The following DLG5 variants were observed in gnomAD, a reference collection of about 807,000 sequenced individuals.
The protein encoded by DLG5 is discs large MAGUK scaffold protein 5.
DLG5 carries 48 observed loss-of-function variants against 189.8 expected under a neutral mutation model. The ratio of observed to expected loss-of-function variants is 0.25; its 90% CI spans 0.20 to 0.32. The LOEUF (loss-of-function observed/expected upper bound fraction) is 0.32, where lower values mean the gene tolerates loss of function less well. DLG5 is among the 10% of genes least tolerant of loss of function. The pLI, the probability that DLG5 is intolerant of heterozygous loss-of-function variation, is 1.00. For synonymous variants in DLG5, 1,016 were observed against 1,054.1 expected (o/e 0.96, Z 0.70); for missense variants, 2,160 against 2,544.7 (o/e 0.85, Z 3.25).
intron 2 of DLG5, among the ~76,000 whole-genome samples, chr10:77,866,550 G>A (rs1228463180): frequency 6.6e-6 from 1 of 152,184 alleles, no homozygotes; most frequent in Non-Finnish European, 1.5e-5. Flanking sequence ...CAGAGCACTT[G>A]AAATGTGGTG....
At chr10:77,832,354 C>T (rs1034652026) in intron 9 of DLG5, among the ~76,000 whole-genome samples, 1 of 152,238 alleles carries the variant, frequency 6.6e-6, no homozygotes, top group Non-Finnish European at 1.5e-5. Context: ...GGCTGCCTTG[C>T]CAGCTCATGA....
rs1030323340 is a variant in DLG5, at chr10:77,792,006, G to A, written c.*434C>T. The A allele has an allele frequency of 1.2e-5, 2 of 171,308 alleles. No homozygotes were observed. Among genetic ancestry groups the A allele is most frequent in the Non-Finnish European group, 2.5e-5 (2 of 80,116 alleles). The allele number at this position is 171,308 out of a possible 1,614,324, so 10.6% of individuals were successfully genotyped here. A position where few individuals can be genotyped will look rare whatever the true frequency, so the allele number is the denominator to read the frequency against. On this transcript the variant is annotated 3_prime_UTR_variant, in exon 32 of 32. Transcript: ENST00000372391. ...TCCAAGGTCGTTTTGCTGAAGACGG[G>A]AACGAAACCAACACCAAAGCGACAG...
intron 1 of DLG5, among the ~76,000 whole-genome samples, chr10:77,922,200 G>A (rs868736143): frequency 1.7e-4 from 26 of 152,208 alleles, no homozygotes; most frequent in Admixed American, 7.2e-4. Context: ...CAATGCTCCC[G>A]GTGACAGAGG....
chr10:77,880,210 T>C (rs1330217660), intron 1 of DLG5, among the ~76,000 whole-genome samples: 1 of 152,000 alleles, frequency 6.6e-6, no homozygotes, highest in Non-Finnish European at 1.5e-5. Context: ...TCCTAGCACT[T>C]TGGGAGGCCA....
intron 7 of DLG5, among the ~76,000 whole-genome samples, chr10:77,840,893 TCACCTGCCTCA>T (rs2154576271): frequency 6.6e-6 from 1 of 152,250 alleles, no homozygotes; most frequent in African/African-American, 2.4e-5. Context: ...CCCCTGGGCA[TCACCTGCCTCA>T]CACTTGGTAC....
At chr10:77,880,585 C>G (rs1845248206) in intron 1 of DLG5, among the ~76,000 whole-genome samples, 1 of 152,124 alleles carries the variant, frequency 6.6e-6, no homozygotes, top group Non-Finnish European at 1.5e-5. Context: ...CCTCCCGACT[C>G]CTGATCAAGC....
chr10:77,893,010 C>T (rs1845655218), intron 1 of DLG5, among the ~76,000 whole-genome samples: 1 of 152,210 alleles, frequency 6.6e-6, no homozygotes, highest in South Asian at 2.1e-4. Context: ...GACAGGGCAC[C>T]CCCAGGTTGG....
chr10:77,891,698 A>G (rs1340341758), intron 1 of DLG5, among the ~76,000 whole-genome samples: 1 of 152,098 alleles, frequency 6.6e-6, no homozygotes, highest in Non-Finnish European at 1.5e-5. Flanking sequence ...CCCACAGGAC[A>G]TCACAAAAAA....
chr10:77,926,950 T>A, upstream of DLG5: 1 of 377,350 alleles, frequency 2.7e-6, no homozygotes, highest in Middle Eastern at 4.1e-4. The surrounding 1 kb of genome is among the most constrained non-coding windows in gnomAD (Gnocchi z 5.2). Flanking sequence ...AGACTACAAC[T>A]CCCGGGAGAA....
chr10:77,792,814 A>G (rs1225138488), intron 31 of DLG5: 1 of 449,004 alleles, frequency 2.2e-6, no homozygotes, highest in Non-Finnish European at 4.0e-6. Flanking sequence ...ATCCCAGGGC[A>G]TCAGAAGGAA....
At chr10:77,887,859 G>A (rs1023699647) in intron 1 of DLG5, among the ~76,000 whole-genome samples, 9 of 152,220 alleles carry the variant, frequency 5.9e-5, no homozygotes, top group African/African-American at 1.9e-4. Context: ...AGAGCCACAC[G>A]CCTTTGTGTG....
intron 1 of DLG5, among the ~76,000 whole-genome samples, chr10:77,894,924 C>G (rs144823547): frequency 6.6e-6 from 1 of 152,186 alleles, no homozygotes; most frequent in Non-Finnish European, 1.5e-5. Flanking sequence ...TTGCCAAGAC[C>G]CCAGCACAGC....
At chr10:77,845,665 GGAGGGAGGGAGA>G (rs1187737259) in intron 5 of DLG5, among the ~76,000 whole-genome samples, 2 of 151,770 alleles carry the variant, frequency 1.3e-5, no homozygotes, top group Non-Finnish European at 2.9e-5. Context: ...GAAAGGGAAA[GGAGGGAGGGAGA>G]GAGGGAGGGA....
At chr10:77,939,043 G>T in the DLG5 span, among the ~76,000 whole-genome samples, 1 of 152,156 alleles carries the variant, frequency 6.6e-6, no homozygotes, top group African/African-American at 2.4e-5. Flanking sequence ...AGCCGGGTGT[G>T]GTGGCGCATG....
intron 1 of DLG5, among the ~76,000 whole-genome samples, chr10:77,902,839 G>A (rs564982180): frequency 2.6e-5 from 4 of 151,686 alleles, no homozygotes; most frequent in Admixed American, 6.6e-5. Context: ...CAGTCTGGGC[G>A]ACAGAGCGAG....
At chr10:77,896,324 G>A (rs1262966998) in intron 1 of DLG5, among the ~76,000 whole-genome samples, 1 of 152,106 alleles carries the variant, frequency 6.6e-6, no homozygotes, top group Non-Finnish European at 1.5e-5. Context: ...GGCAGGTATA[G>A]GGCAATTAGA....
chr10:77,805,113 G>A (rs1019620208), intron 27 of DLG5, among the ~76,000 whole-genome samples: 1 of 152,126 alleles, frequency 6.6e-6, no homozygotes, highest in Non-Finnish European at 1.5e-5. Context: ...GGGATTACAG[G>A]TGCATGCCAC....
At chr10:77,910,791 T>C (rs1225160075) in intron 1 of DLG5, among the ~76,000 whole-genome samples, 2 of 151,980 alleles carry the variant, frequency 1.3e-5, no homozygotes, top group African/African-American at 2.4e-5. Context: ...ACCAACATGA[T>C]AAAACGCCGT....
Position 77,811,163 on chromosome 10 carries a change from G to A in DLG5, c.4394C>T (p.Ser1465Phe), listed in dbSNP as rs1334309091. 6.2e-7 allele frequency: 1 copy of A among 1,613,390 alleles called. No individual in the cohort carries two copies. The highest frequency in any genetic ancestry group is 8.5e-7 in the Non-Finnish European group (1 of 1,179,998). Residue 1465 changes from serine (S) to phenylalanine (F), a missense_variant, in exon 23 of 32, where the codon TCT (serine) becomes TTT (phenylalanine). Coordinates refer to ENST00000372391, the MANE Select transcript of DLG5 (RefSeq NM_004747.4). ...GSGTTTPEHP[S>F]VIDPLMEQDE... ...CTGCTCCATCAGTGGGTCGATGACA[G>A]ATGGATGCTCCGGGGTGGTGGTGCC...
Sources: allele counts gnomAD v4.1 joint callset (sites outside exome capture counted in the v4.1 genomes callset), GRCh38; gene constraint gnomAD v4.1.1; non-coding constraint Gnocchi (gnomAD v3.1); transcripts MANE v1.5; gene names NCBI Gene and HGNC (gene_info 2026-07-23, HGNC 2026-07-21).